Variants in SYNE2 observed in about 807,000 individuals in gnomAD.
SYNE2 encodes the protein spectrin repeat containing nuclear envelope protein 2.
In SYNE2, 431 loss-of-function variants were observed where a neutral mutation model predicts 856.3. The ratio of observed to expected loss-of-function variants is 0.50; its 90% confidence interval spans 0.47 to 0.55. The LOEUF (loss-of-function observed/expected upper bound fraction) is 0.55. Ranked by LOEUF, SYNE2 falls within the 20% of genes least tolerant of loss-of-function variation. The pLI is 0.00. For synonymous variants in SYNE2, 2,923 were observed against 2,872.3 expected (o/e 1.02, Z -0.56); for missense variants, 8,129 against 8,023.2 (o/e 1.01, Z -0.50).
At chr14:63,901,882 A>G (rs900781789) in intron 1 of SYNE2, among the ~76,000 whole-genome samples, 24 of 152,156 alleles carry the variant, frequency 1.6e-4, no homozygotes, top group African/African-American at 5.1e-4. Flanking sequence ...CCATGATAGC[A>G]CCACTGTACT....
intron 1 of SYNE2, among the ~76,000 whole-genome samples, chr14:63,887,588 A>T (rs1212490532): frequency 1.3e-5 from 2 of 152,266 alleles, no homozygotes; most frequent in East Asian, 1.9e-4. Flanking sequence ...CTGAAGATTT[A>T]GCACAACCCA....
chr14:63,920,729 G>T (rs779382581), intron 2 of SYNE2, among the ~76,000 whole-genome samples: 3 of 151,786 alleles, frequency 2.0e-5, no homozygotes, highest in Non-Finnish European at 4.4e-5. Context: ...GAGATGGAGA[G>T]AAATAGGTGT....
rs529492099 is a variant in SYNE2, at chr14:63,884,717, A to G, written c.-51-24381A>G. Reference sequence around the variant, plus strand: ...GGCCGTGTTTGTAGGCTTAGGGCCTATGTGAGAGTGTCAAAAGACAGTGAT... The same window carrying G: ...GGCCGTGTTTGTAGGCTTAGGGCCTGTGTGAGAGTGTCAAAAGACAGTGAT... On this transcript the variant is annotated intron_variant, in intron 1 of 115. Coordinates refer to ENST00000555002, the MANE Select transcript of SYNE2 (RefSeq NM_182914.3). Among the ~76,000 whole-genome samples the G allele has an allele frequency of 2.0e-5, 3 of 152,268 alleles. No individual in the cohort carries two copies. In the South Asian group the frequency reaches 6.2e-4, roughly 31 times the overall value.
chr14:64,090,487 A>C (rs2097601571), intron 59 of SYNE2, among the ~76,000 whole-genome samples: 1 of 152,200 alleles, frequency 6.6e-6, no homozygotes, highest in South Asian at 2.1e-4. Flanking sequence ...TTGAGGGCCT[A>C]CTATACGGGA....
Position 63,818,666 on chromosome 14 carries a change from G to A in SYNE2, c.-304-33835G>A, listed in dbSNP as rs115221747. Among the ~76,000 whole-genome samples, 963 of 151,084 alleles carry A rather than the reference G, an allele frequency of 6.4e-3. 12 individuals carry two copies. Among genetic ancestry groups the A allele is most frequent in the African/African-American group, 0.022 (914 of 41,300 alleles). On this transcript the variant is annotated intron_variant, in intron 1 of 23. Coordinates refer to the SYNE2 transcript ENST00000674003. ...GTTTTTCCCTAAGTATAGGAACAAGGCAAAGATATCCATTCTCATACATTT... is the reference window on the plus strand; with the variant it reads ...GTTTTTCCCTAAGTATAGGAACAAGACAAAGATATCCATTCTCATACATTT...
At chr14:63,819,130 C>G (rs187245705) in intron 1 of SYNE2, among the ~76,000 whole-genome samples, 2 of 151,968 alleles carry the variant, frequency 1.3e-5, no homozygotes, top group Admixed American at 6.6e-5. Flanking sequence ...ACAGAAAATC[C>G]TTTGACATTA....
rs146086609 is a variant in SYNE2, at chr14:64,145,527, T to A, written c.15484-541T>A. ...CGTCTCAAAAAAAAAAAAAAAAAAATTATGTCATGACACAGTAGTTATAAT... is the reference window on the plus strand; with the variant it reads ...CGTCTCAAAAAAAAAAAAAAAAAAAATATGTCATGACACAGTAGTTATAAT... On this transcript the variant is annotated intron_variant, in intron 83 of 115. Coordinates refer to ENST00000555002, the MANE Select transcript of SYNE2 (RefSeq NM_182914.3). Among the ~76,000 whole-genome samples the A allele has an allele frequency of 2.8e-5, 4 of 142,778 alleles. No homozygotes were observed. In the East Asian group the frequency reaches 6.7e-4, roughly 24 times the overall value. 93.7% of individuals were successfully genotyped at this position (142,778 alleles called of 152,430 possible).
chr14:63,929,301 C>T (rs997742908), intron 2 of SYNE2, among the ~76,000 whole-genome samples: 1 of 152,152 alleles, frequency 6.6e-6, no homozygotes, highest in South Asian at 2.1e-4. Context: ...CTCTAAAGTG[C>T]AGAGCTAAAA....
Position 64,029,902 on chromosome 14 carries a change from T to C in SYNE2, c.6722T>C (p.Val2241Ala). The C allele has an allele frequency of 6.2e-7, 1 of 1,613,686 alleles. No homozygotes were observed. The highest frequency in any genetic ancestry group is 8.5e-7 in the Non-Finnish European group (1 of 1,179,772). The change falls in exon 44 of 116, where the codon GTG (valine) becomes GCG (alanine). Residue 2241 changes from valine to alanine, a missense_variant. Transcript: ENST00000555002. Reference protein sequence around the residue: ...ESLLQQLQDSVQNLDGHVREH... With the variant: ...ESLLQQLQDSAQNLDGHVREH... ...CTGTGGCTTTATTTTTAGGATTCTG[T>C]GCAAAACTTGGACGGTCACGTTCGA...
Position 63,940,662 on chromosome 14 carries a change from C to T in SYNE2, c.128C>T (p.Ser43Leu), listed in dbSNP as rs754783984. Residue 43 changes from serine to leucine, a missense_variant, in exon 3 of 116, where the codon TCA becomes TTA. By Grantham distance (145) the Ser-to-Leu change is moderately radical (BLOSUM62 -2). Around this residue, in one of 3 missense-constraint regions of SYNE2, gnomAD observed 2,422 missense variants for 2,357.4 expected, o/e 1.03. Coordinates refer to ENST00000555002, the MANE Select transcript of SYNE2 (RefSeq NM_182914.3). ...QKKAFTCWIN[S>L]QLARHTSPSV... ...AAAGCCTTCACGTGCTGGATAAACTCACAGTTGGCCAGGGTAAGCAAATGA... is the reference window on the plus strand; with the variant it reads ...AAAGCCTTCACGTGCTGGATAAACTTACAGTTGGCCAGGGTAAGCAAATGA... The T allele has an allele frequency of 7.4e-6, 12 of 1,613,992 alleles. No individual in the cohort carries two copies. The highest frequency in any genetic ancestry group is 1.0e-5 in the Non-Finnish European group (12 of 1,180,004).
rs760864560 is a variant in SYNE2, at chr14:64,052,127, G to T, written c.8214G>T (p.Glu2738Asp). The change falls in exon 48 of 116, where the codon GAG becomes GAT. Residue 2738 changes from glutamate to aspartate, a missense_variant. Physicochemically the swap from Glu to Asp is conservative, Grantham distance 45. This residue lies in a region of SYNE2 where 5,410 missense variants were observed against 5,284.8 expected (regional missense o/e 1.02). Coordinates refer to ENST00000555002, the MANE Select transcript of SYNE2 (RefSeq NM_182914.3). ...GTGACATAAGGAACAAGATGAAAGA[G>T]ACTATCTTATGGGCCAAGAATTTGT... ...KKCDIRNKMKETILWAKNLLG... is the reference protein window; with the variant it reads ...KKCDIRNKMKDTILWAKNLLG... 1 of 1,614,150 alleles carries T rather than the reference G, an allele frequency of 6.2e-7. No homozygotes were observed. Among genetic ancestry groups the T allele is most frequent in the South Asian group, 1.1e-5 (1 of 91,080 alleles).
chr14:63,948,792 A>ATATG (rs2096092898), intron 6 of SYNE2, among the ~76,000 whole-genome samples: 1 of 95,904 alleles, frequency 1.0e-5, no homozygotes, highest in Non-Finnish European at 1.9e-5. Flanking sequence ...GTATATATAT[A>ATATG]TATATATATA....
intron 1 of SYNE2, among the ~76,000 whole-genome samples, chr14:63,809,851 C>A (rs1292752069): frequency 1.3e-5 from 2 of 152,040 alleles, no homozygotes; most frequent in African/African-American, 4.8e-5. Flanking sequence ...AAATGGAGGT[C>A]TTTTGACCTC....
At chr14:63,830,843 T>TTC (rs1390560848) in intron 1 of SYNE2, among the ~76,000 whole-genome samples, 1 of 143,700 alleles carries the variant, frequency 7.0e-6, no homozygotes, top group Non-Finnish European at 1.5e-5. Flanking sequence ...TCCCATTCTT[T>TTC]TTTTTTTTTT....
At chr14:63,853,758 G>C (rs564818536) in intron 1 of SYNE2, among the ~76,000 whole-genome samples, 30 of 151,884 alleles carry the variant, frequency 2.0e-4, no homozygotes, top group African/African-American at 6.7e-4. Flanking sequence ...GGCGGCGGCG[G>C]GTGCGGCAGC....
At chr14:63,982,602 G>C (rs1594649196) in intron 16 of SYNE2, 28 bp from the exon 17 acceptor site, 14 of 1,604,226 alleles carry the variant, frequency 8.7e-6, no homozygotes, top group Non-Finnish European at 1.1e-5. Flanking sequence ...GTGTCATTAA[G>C]ATAGTGTGTT....
At chr14:63,946,543 T>C (rs1332943636) in intron 6 of SYNE2, among the ~76,000 whole-genome samples, 5 of 148,106 alleles carry the variant, frequency 3.4e-5, no homozygotes, top group African/African-American at 1.2e-4. Context: ...ATATACATTA[T>C]ATATATTTAT....
At chr14:64,198,342 C>A (rs7148637) in intron 99 of SYNE2, among the ~76,000 whole-genome samples, 46,603 of 152,126 alleles carry the variant, frequency 0.31, 7,261 homozygotes, top group Middle Eastern at 0.4. Context: ...GTAGTGTTAA[C>A]AAGGCCCAAC....
chr14:63,970,225 G>A (rs1421016721), intron 11 of SYNE2, among the ~76,000 whole-genome samples: 1 of 151,456 alleles, frequency 6.6e-6, no homozygotes, highest in Admixed American at 6.6e-5. Context: ...ATCTCACTCT[G>A]TTGTCCAGAC....
Sources: gnomAD v4.1 joint callset for allele counts (sites outside exome capture counted in the v4.1 genomes callset) on GRCh38, gnomAD v4.1.1 for gene constraint, gnomAD v4.1.1 regional missense constraint, MANE v1.5 for transcripts, NCBI Gene and HGNC (gene_info 2026-07-23, HGNC 2026-07-21) for gene names.